The following FHIT variants were observed in gnomAD, a reference collection of about 807,000 sequenced individuals.
FHIT encodes fragile histidine triad diadenosine triphosphatase.
A neutral mutation model predicts 17.9 loss-of-function variants in FHIT; 19 were observed. The ratio of observed to expected loss-of-function variants is 1.06; its 90% confidence interval spans 0.74 to 1.56. The LOEUF (loss-of-function observed/expected upper bound fraction) is 1.56. FHIT is among the 40% of genes most tolerant of loss of function. FHIT has a pLI of 0.00. For missense variants in FHIT, 248 were observed against 189.2 expected (o/e 1.31, Z -1.82); for synonymous variants, 81 against 69.7 (o/e 1.16, Z -0.81).
At chr3:60,920,735 T>C (rs541947555) in intron 3 of FHIT, among the ~76,000 whole-genome samples, 1 of 152,142 alleles carries the variant, frequency 6.6e-6, no homozygotes, top group East Asian at 1.9e-4. Flanking sequence ...TTTTCAGTCA[T>C]GTTTAAAGAA....
intron 8 of FHIT, among the ~76,000 whole-genome samples, chr3:59,860,961 C>T (rs1702378073): frequency 6.6e-6 from 1 of 151,964 alleles, no homozygotes; most frequent in Non-Finnish European, 1.5e-5. Flanking sequence ...TTTTTTCCTA[C>T]TATAGTGGGC....
intron 9 of FHIT, chr3:59,751,570 A>C (rs966708294): frequency 4.6e-6 from 1 of 216,706 alleles, no homozygotes; most frequent in African/African-American, 2.3e-5. Flanking sequence ...TTTGACAAGG[A>C]AATTGGCTAT....
At chr3:60,566,178 T>C (rs2107652635) in intron 4 of FHIT, among the ~76,000 whole-genome samples, 1 of 152,238 alleles carries the variant, frequency 6.6e-6, no homozygotes, top group African/African-American at 2.4e-5. Flanking sequence ...TACTTCCAAC[T>C]AAGTGGTCAA....
In FHIT at chr3:60,142,871, T is replaced by A. The variant is rs532506274; in HGVS notation, c.104-128719A>T. On this transcript the variant is annotated intron_variant, in intron 5 of 9. Transcript: ENST00000492590. ...CAAAAGACAAAAATATAACTCAACT[T>A]AAGAACAGATTAAGAATTAACAAGA... Among the ~76,000 whole-genome samples the A allele has an allele frequency of 2.0e-5, 3 of 151,994 alleles. No homozygotes were observed. In the South Asian group the frequency reaches 6.2e-4, roughly 32 times the overall value.
chr3:60,547,566 C>A (rs1472834309), intron 4 of FHIT, among the ~76,000 whole-genome samples: 3 of 152,096 alleles, frequency 2.0e-5, no homozygotes, highest in Non-Finnish European at 4.4e-5. Context: ...AAATGAGTCT[C>A]CATTTCCCAC....
At chr3:60,822,591 A>G (rs2594141) in intron 3 of FHIT, among the ~76,000 whole-genome samples, 122,041 of 152,130 alleles carry the variant, frequency 0.8, 49,064 homozygotes, top group East Asian at 0.88. Flanking sequence ...CTACTTCTGT[A>G]TCCTATGTAG....
At chr3:60,873,240 C>T (rs1704492449) in intron 3 of FHIT, among the ~76,000 whole-genome samples, 1 of 152,054 alleles carries the variant, frequency 6.6e-6, no homozygotes, top group South Asian at 2.1e-4. Flanking sequence ...AAGGATACAA[C>T]TTTTCCCTCC....
chr3:60,751,931 CAG>C (rs2042474779), intron 4 of FHIT, among the ~76,000 whole-genome samples: 1 of 152,048 alleles, frequency 6.6e-6, no homozygotes, highest in Non-Finnish European at 1.5e-5. Flanking sequence ...GAATACTATG[CAG>C]TCTTTTAAGT....
intron 3 of FHIT, among the ~76,000 whole-genome samples, chr3:60,942,878 CTT>C (rs1483513533): frequency 6.6e-6 from 1 of 152,162 alleles, no homozygotes; most frequent in African/African-American, 2.4e-5. Flanking sequence ...TCCCACAAGA[CTT>C]AAAGTATGTA....
intron 5 of FHIT, among the ~76,000 whole-genome samples, chr3:60,526,681 G>C (rs1053943607): frequency 2.9e-4 from 44 of 152,076 alleles, no homozygotes; most frequent in African/African-American, 1.0e-3. Context: ...AAGCACTCTT[G>C]TGTGCTCATG....
At chr3:60,371,365 C>CT (rs56390367) in intron 5 of FHIT, among the ~76,000 whole-genome samples, 36,944 of 148,894 alleles carry the variant, frequency 0.25, 5,766 homozygotes, top group Non-Finnish European at 0.36. Flanking sequence ...TTTCTTCTAG[C>CT]TTTTTTTTTT....
intron 5 of FHIT, among the ~76,000 whole-genome samples, chr3:60,210,357 C>T (rs1283269139): frequency 6.6e-6 from 1 of 151,990 alleles, no homozygotes; most frequent in Non-Finnish European, 1.5e-5. Context: ...TAGAAAAAAA[C>T]ATGGTAATAT....
At chr3:60,247,219 T>TA (rs2107584126) in intron 5 of FHIT, among the ~76,000 whole-genome samples, 1 of 114,640 alleles carries the variant, frequency 8.7e-6, no homozygotes, top group African/African-American at 3.9e-5. Context: ...TTCTACCAAG[T>TA]AAGGCTATTA....
chr3:60,704,064 C>T lies in FHIT; in HGVS notation c.-18+117855G>A, dbSNP rs138971212. 6.4e-3 allele frequency among the ~76,000 whole-genome samples: 970 copies of T among 152,090 alleles called. 12 individuals carry two copies. The highest frequency in any genetic ancestry group is 0.022 in the African/African-American group (921 of 41,494). On this transcript the variant is annotated intron_variant, in intron 4 of 9. Transcript: ENST00000492590. ...CAAGGGAAGCTAAGAGGGTACATACCATCTTCCTCCCACACGACTACATAT... is the reference window on the plus strand; with the variant it reads ...CAAGGGAAGCTAAGAGGGTACATACTATCTTCCTCCCACACGACTACATAT...
intron 4 of FHIT, among the ~76,000 whole-genome samples, chr3:60,564,770 G>A (rs1378659381): frequency 6.6e-6 from 1 of 152,174 alleles, no homozygotes; most frequent in East Asian, 1.9e-4. Context: ...GTGATTTCTT[G>A]AGATGAAATC....
chr3:59,984,506 T>C (rs11130742), intron 7 of FHIT, among the ~76,000 whole-genome samples: 54,699 of 151,796 alleles, frequency 0.36, 10,792 homozygotes, highest in East Asian at 0.53. Context: ...TGGCTAAACA[T>C]TGTTCCTAAA....
At chr3:60,541,553 C>A (rs993767275) in intron 4 of FHIT, among the ~76,000 whole-genome samples, 1 of 152,184 alleles carries the variant, frequency 6.6e-6, no homozygotes. Flanking sequence ...AGTCCTTTGA[C>A]ATATGATTGG....
intron 2 of FHIT, among the ~76,000 whole-genome samples, chr3:61,085,460 T>C (rs948903398): frequency 6.6e-6 from 1 of 152,162 alleles, no homozygotes; most frequent in Non-Finnish European, 1.5e-5. Flanking sequence ...CATTAATGTA[T>C]ATGCTTTGGT....
In FHIT at chr3:60,354,237, T is replaced by A. The variant is rs530969678; in HGVS notation, c.103+182623A>T. 5.9e-5 allele frequency among the ~76,000 whole-genome samples: 9 copies of A among 152,282 alleles called. No individual in the cohort carries two copies. In the East Asian group the frequency reaches 1.7e-3, roughly 29 times the overall value. On this transcript the variant is annotated intron_variant, in intron 5 of 9. Transcript: ENST00000492590. ...CATACATAAACTCATAGTAAAAAAG[T>A]ATGCACATTAATAGTATTAGTCATT...
Sources: allele counts gnomAD v4.1 joint callset (sites outside exome capture counted in the v4.1 genomes callset), GRCh38; gene constraint gnomAD v4.1.1; transcripts MANE v1.5; gene names NCBI Gene and HGNC (gene_info 2026-07-23, HGNC 2026-07-21).